Variants in VAC14 observed in about 807,000 individuals in gnomAD.
VAC14 encodes VAC14 component of PIKFYVE complex, also known as protein VAC14 homolog.
In VAC14, 47 loss-of-function variants were observed where a neutral mutation model predicts 85.3. The ratio of observed to expected loss-of-function variants is 0.55; its 90% CI spans 0.44 to 0.70. VAC14 has a LOEUF of 0.70. Among genes scored for constraint, VAC14 ranks in the 30% least tolerant of loss-of-function variants. The pLI, the probability that VAC14 is intolerant of heterozygous loss-of-function variation, is 0.00. For missense variants in VAC14, 861 were observed against 1,004.3 expected, an observed-to-expected ratio of 0.86 and a Z score of 1.93; for synonymous variants, 447 against 430.5, an observed-to-expected ratio of 1.04 and a Z score of -0.47.
intron 1 of VAC14, among the ~76,000 whole-genome samples, chr16:70,787,700 G>C (rs2034132971): frequency 6.6e-6 from 1 of 152,236 alleles, no homozygotes; most frequent in African/African-American, 2.4e-5. Context: ...GATCTTCAAG[G>C]AGGCAGAAGG....
intron 12 of VAC14, among the ~76,000 whole-genome samples, chr16:70,748,344 G>A (rs560497507): frequency 2.0e-5 from 3 of 152,172 alleles, no homozygotes; most frequent in Non-Finnish European, 2.9e-5. Context: ...ATGGACTCCC[G>A]GAGGAGTCAG....
intron 2 of VAC14, 116 bp from the exon 3 acceptor site, chr16:70,785,985 G>A: frequency 7.3e-7 from 1 of 1,366,516 alleles, no homozygotes; most frequent in South Asian, 1.5e-5. Flanking sequence ...TTTGTGTGAG[G>A]GCTGGGCTCA....
intron 14 of VAC14, among the ~76,000 whole-genome samples, chr16:70,707,484 G>A (rs577225159): frequency 1.3e-5 from 2 of 152,126 alleles, no homozygotes; most frequent in Admixed American, 6.5e-5. Context: ...GCAAGAGGAG[G>A]TGCCATCGGG....
Position 70,698,720 on chromosome 16 carries a change from T to C in VAC14, c.1753A>G (p.Met585Val). Residue 585 changes from methionine (M) to valine (V), a missense_variant, in exon 15 of 19, where the codon ATG becomes GTG. Transcript: ENST00000261776. ...AGGATGGTGTTGAGGGCGTGGACCA[T>C]GGTCGAGGCGAACTTGAGGTCCTCC... Reference protein sequence around the residue: ...REEDLKFASTMVHALNTILLT... With the variant: ...REEDLKFASTVVHALNTILLT... 1 of 1,614,172 alleles carries C rather than the reference T, an allele frequency of 6.2e-7. No individual in the cohort carries two copies. The highest frequency in any genetic ancestry group is 8.5e-7 in the Non-Finnish European group (1 of 1,180,016).
At position 70,781,965 on chromosome 16, in the gene VAC14, CCCG is replaced by C; in HGVS notation, c.847_849del (p.Arg283del). The C allele has an allele frequency of 6.2e-7, 1 of 1,614,018 alleles. No individual in the cohort carries two copies. Among genetic ancestry groups the C allele is most frequent in the Non-Finnish European group, 8.5e-7 (1 of 1,180,006 alleles). On this transcript the variant is annotated inframe_deletion, in exon 8 of 19. Transcript: ENST00000261776. ...ACGCGGCCCGCCAGCTGGATGAACT[CCCG>C]CATCCAGCACATGGCTGTCAGCTGG...
Position 70,689,749 on chromosome 16 carries a change from C to A in VAC14, c.2187-1659G>T, listed in dbSNP as rs542285254. ...AAAGATCAAAAGCAGCTGGGCGGGG[C>A]CATTCTAGAGGGCCAGGCTGTGGGC... On this transcript the variant is annotated intron_variant, in intron 18 of 18. Coordinates refer to ENST00000261776, the MANE Select transcript of VAC14 (RefSeq NM_018052.5). 4.3e-5 allele frequency: 42 copies of A among 985,478 alleles called. No individual in the cohort carries two copies. The African/African-American group carries it at 5.9e-4, about 14-fold the overall frequency. 61.0% of individuals were successfully genotyped at this position (985,478 alleles called of 1,614,324 possible).
rs1350120816 is a variant in VAC14 at position 70,783,500 on chromosome 16, T to C, written c.649A>G (p.Ile217Val). ...AGGATCTGGAAGAGTCCATCCAGGA[T>C]CTCCGGCAGGTAATCCAGCAGGTTA... is the stretch of plus-strand genomic sequence containing the variant. The part of the protein sequence containing the change: ...DINLLDYLPE[I>V]LDGLFQILGD... Residue 217 changes from isoleucine (I) to valine (V), a missense_variant, in exon 6 of 19, where the codon ATC becomes GTC. Around this residue, in one of 3 missense-constraint regions of VAC14, gnomAD observed 629 missense variants for 703.1 expected, o/e 0.89. Transcript: ENST00000261776. 1 of 1,614,020 alleles carries C rather than the reference T, an allele frequency of 6.2e-7. No individual in the cohort carries two copies.
At chr16:70,733,381 A>G (rs2054651973) in intron 13 of VAC14, among the ~76,000 whole-genome samples, 1 of 151,402 alleles carries the variant, frequency 6.6e-6, no homozygotes, top group South Asian at 2.1e-4. Flanking sequence ...TTGTTTGTCC[A>G]TTCATCAGCT....
intron 8 of VAC14, 39 bp from the exon 9 acceptor site, chr16:70,780,978 T>C: frequency 6.2e-7 from 1 of 1,611,402 alleles, no homozygotes. Flanking sequence ...CTGATTTGGA[T>C]GCCTGTCTCT....
Position 70,785,887 on chromosome 16 carries a change from G to A in VAC14, c.256-18C>T. 1 of 1,597,306 alleles carries A rather than the reference G, an allele frequency of 6.3e-7. No homozygotes were observed. Among genetic ancestry groups the A allele is most frequent in the South Asian group, 1.1e-5 (1 of 88,972 alleles). On this transcript the variant is annotated intron_variant, in intron 2 of 18. Coordinates refer to ENST00000261776, the MANE Select transcript of VAC14 (RefSeq NM_018052.5). The stretch of plus-strand genomic sequence containing the variant: ...CCTGAGTCCTGCAAGGAGGCAGGAG[G>A]AGAAGACAGATCAGAATGGGTTGGA...
intron 12 of VAC14, among the ~76,000 whole-genome samples, chr16:70,746,137 C>A (rs185658553): frequency 4.6e-4 from 70 of 152,350 alleles, no homozygotes; most frequent in Admixed American, 1.9e-3. Flanking sequence ...GTGCCTCCCC[C>A]ACACTGCCCA....
chr16:70,731,225 G>A (rs60028268), intron 14 of VAC14: 108,573 of 1,119,468 alleles, frequency 0.097, 5,443 homozygotes, highest in Middle Eastern at 0.11. Context: ...ATAAGAGGCT[G>A]TTCCACCTCA....
chr16:70,688,461 C>T, intron 18 of VAC14: 1 of 997,168 alleles, frequency 1.0e-6, no homozygotes, highest in South Asian at 4.7e-5. Context: ...GGAACAGGGT[C>T]TGGGGAGAAG....
At chr16:70,742,501 GC>G (rs1278579387) in intron 13 of VAC14, among the ~76,000 whole-genome samples, 1 of 152,264 alleles carries the variant, frequency 6.6e-6, no homozygotes, top group Non-Finnish European at 1.5e-5. Flanking sequence ...GGACTCGTTT[GC>G]CGAGGGACAG....
At chr16:70,740,152 G>A (rs2030127626) in intron 13 of VAC14, among the ~76,000 whole-genome samples, 1 of 152,018 alleles carries the variant, frequency 6.6e-6, no homozygotes, top group Non-Finnish European at 1.5e-5. Flanking sequence ...GTAGAGACAG[G>A]GTTTCACCAT....
At chr16:70,765,110 TCCTGACCCTGTGAGCC>T (rs778683351) in intron 10 of VAC14, among the ~76,000 whole-genome samples, 7 of 152,232 alleles carry the variant, frequency 4.6e-5, no homozygotes, top group Non-Finnish European at 8.8e-5. Context: ...ACCTGGTCTT[TCCTGACCCTGTGAGCC>T]CCAAAGTCTG....
intron 14 of VAC14, chr16:70,714,647 G>A (rs776618647): frequency 3.9e-5 from 6 of 152,230 alleles, no homozygotes; most frequent in Admixed American, 6.5e-5. Context: ...TGAAGCCAGC[G>A]TACCCTGAAG....
intron 12 of VAC14, among the ~76,000 whole-genome samples, chr16:70,746,062 A>C (rs909444972): frequency 1.4e-4 from 21 of 152,210 alleles, no homozygotes; most frequent in African/African-American, 4.1e-4. Context: ...TTATCTAGAA[A>C]ACAAACAAAA....
intron 13 of VAC14, among the ~76,000 whole-genome samples, chr16:70,738,280 C>T (rs770947134): frequency 7.2e-5 from 11 of 152,090 alleles, no homozygotes; most frequent in African/African-American, 1.2e-4. Context: ...AGACAAAGGC[C>T]GCCGCAATGG....
Sources: gnomAD v4.1 joint callset for allele counts (sites outside exome capture counted in the v4.1 genomes callset) on GRCh38, gnomAD v4.1.1 for gene constraint, gnomAD v4.1.1 regional missense constraint, MANE v1.5 for transcripts, NCBI Gene and HGNC (gene_info 2026-07-23, HGNC 2026-07-21) for gene names.